Variants in LRP1 observed in about 807,000 individuals in gnomAD.
LRP1 encodes the protein LDL receptor related protein 1, also known as prolow-density lipoprotein receptor-related protein 1.
Under a neutral mutation model 541.5 loss-of-function variants are expected in LRP1, and 51 were observed. That is an observed-to-expected ratio of 0.09 (90% CI 0.08 to 0.12). The LOEUF (loss-of-function observed/expected upper bound fraction) is 0.12. LRP1 is among the 10% of genes least tolerant of loss of function. LRP1 has a pLI of 1.00. For missense variants in LRP1, 3,878 were observed against 6,376.2 expected (o/e 0.61, Z 13.34); for synonymous variants, 2,219 against 2,470.8 (o/e 0.90, Z 3.02).
intron 67 of LRP1, 93 bp from the exon 68 acceptor site, chr12:57,202,328 C>A: frequency 9.9e-7 from 1 of 1,012,658 alleles, no homozygotes; most frequent in Non-Finnish European, 1.6e-6. Flanking sequence ...GGGATGCCCA[C>A]CCTCCCTGCC....
In LRP1 at chr12:57,199,965, C is replaced by A; in HGVS notation, c.9954C>A (p.Pro3318=). ...SPGGGHKCAC[P]TNFYLGSDGR... is the part of the protein sequence containing the mutation. Reference sequence around the variant, plus strand: ...GGGGAGGGCACAAATGTGCCTGCCCCACCAACTTCTACCTGGGCAGCGATG... The same window carrying A: ...GGGGAGGGCACAAATGTGCCTGCCCAACCAACTTCTACCTGGGCAGCGATG... The change falls in exon 62 of 89, where the codon CCC becomes CCA. Residue 3318 remains proline, a synonymous_variant. Coordinates refer to ENST00000243077, the MANE Select transcript of LRP1 (RefSeq NM_002332.3). 1 of 1,591,154 alleles carries A rather than the reference C, an allele frequency of 6.3e-7. No individual in the cohort carries two copies.
At position 57,173,131 on chromosome 12, in the gene LRP1, C is replaced by T. The variant is rs2035977425; in HGVS notation, c.3164-37C>T. 1.3e-6 allele frequency: 2 copies of T among 1,546,874 alleles called. No homozygotes were observed. The highest frequency in any genetic ancestry group is 1.4e-5 in the African/African-American group (1 of 73,776). ...GGATGAGGAGGGCTGACCTGGGCAA[C>T]CCCTCCCTCCTGAGGCCCTCCACTG... On this transcript the variant is annotated intron_variant, in intron 20 of 88. Transcript: ENST00000243077. The surrounding 1 kb of genome is among the most constrained non-coding windows in gnomAD (Gnocchi z 4.7).
intron 19 of LRP1, 84 bp downstream of exon 19, chr12:57,167,608 A>G (rs2035865457): frequency 2.8e-6 from 3 of 1,064,876 alleles, no homozygotes; most frequent in Non-Finnish European, 4.4e-6. Context: ...AAAGGGCTTC[A>G]GAATCCAGCA....
At chr12:57,144,366 C>G (rs1455673332) in intron 4 of LRP1, among the ~76,000 whole-genome samples, 1 of 152,120 alleles carries the variant, frequency 6.6e-6, no homozygotes, top group Admixed American at 6.5e-5. Context: ...TGACGTATGA[C>G]TTTTACCACA....
chr12:57,178,202 G>T lies in LRP1; in HGVS notation c.4362-157G>T, dbSNP rs1258192370. Among the ~76,000 whole-genome samples, 1 of 152,146 alleles carries T rather than the reference G, an allele frequency of 6.6e-6. No homozygotes were observed. Among genetic ancestry groups the T allele is most frequent in the African/African-American group, 2.4e-5 (1 of 41,436 alleles). The stretch of plus-strand genomic sequence containing the variant: ...TGGGTTCTCACACCTTGGTCCTTCT[G>T]TCTGTCTGCTCTGGCCAGCAAGGCT... On this transcript the variant is annotated intron_variant, in intron 26 of 88. Transcript: ENST00000243077. This position sits in a 1 kb window ranked among gnomAD's most constrained non-coding sequence, Gnocchi z 5.8.
intron 1 of LRP1, 141 bp from the exon 2 acceptor site, chr12:57,138,318 C>T (rs889676623): frequency 2.9e-6 from 3 of 1,018,472 alleles, no homozygotes; most frequent in Admixed American, 4.5e-5. Flanking sequence ...CCCTGACACC[C>T]CCAGGCACAT....
Position 57,178,458 on chromosome 12 carries a change from C to T in LRP1, c.4461C>T (p.Tyr1487=), listed in dbSNP as rs771406021. 2.9e-5 allele frequency: 47 copies of T among 1,614,102 alleles called. No homozygotes were observed. In the East Asian group the frequency reaches 4.5e-4, roughly 15 times the overall value. ...CGCACCCGTTTGCAGTGACGCTGTA[C>T]GGGGGGGAGGTCTACTGGACTGACT... ...FLSHPFAVTL[Y]GGEVYWTDWR... is the part of the protein sequence containing the mutation. The change falls in exon 27 of 89, where the codon TAC becomes TAT. Residue 1487 remains tyrosine, a synonymous_variant. Coordinates refer to ENST00000243077, the MANE Select transcript of LRP1 (RefSeq NM_002332.3). The surrounding 1 kb of genome is among the most constrained non-coding windows in gnomAD (Gnocchi z 5.8).
In LRP1 at chr12:57,165,616, A is replaced by T; in HGVS notation, c.2531-189A>T. 1.7e-6 allele frequency: 1 copy of T among 603,200 alleles called. No homozygotes were observed. The highest frequency in any genetic ancestry group is 2.9e-6 in the Non-Finnish European group (1 of 343,822). The allele number at this position is 603,200 out of a possible 1,614,324, so 37.4% of individuals were successfully genotyped here. A position where few individuals can be genotyped will look rare whatever the true frequency, so the allele number is the denominator to read the frequency against. ...GTAAGCATTAAGTAGAGTAAACATC[A>T]CTATTGTTGCTTGGGAAAGAATTGC... On this transcript the variant is annotated intron_variant, in intron 15 of 88. Coordinates refer to ENST00000243077, the MANE Select transcript of LRP1 (RefSeq NM_002332.3). The surrounding 1 kb of genome is among the most constrained non-coding windows in gnomAD (Gnocchi z 4.5).
At chr12:57,138,392 G>T in intron 1 of LRP1, 67 bp from the exon 2 acceptor site, 1 of 1,577,594 alleles carries the variant, frequency 6.3e-7, no homozygotes, top group Non-Finnish European at 8.7e-7. Context: ...GCAGTACTAG[G>T]GGACTTTGGG....
rs2036937191 is a variant in LRP1 at position 57,212,391 on chromosome 12, C to T, written c.13495-24C>T. The T allele has an allele frequency of 4.3e-6, 7 of 1,613,898 alleles. No individual in the cohort carries two copies. The highest frequency in any genetic ancestry group is 2.7e-5 in the African/African-American group (2 of 74,922). On this transcript the variant is annotated intron_variant, in intron 88 of 88. Coordinates refer to ENST00000243077, the MANE Select transcript of LRP1 (RefSeq NM_002332.3). The surrounding 1 kb of genome is among the most constrained non-coding windows in gnomAD (Gnocchi z 5.0). ...CTACAGGCCCAGCTCCTGAGCCCTACCTGAACCCTCTGTCACCCTGCAGCC... is the reference window on the plus strand; with the variant it reads ...CTACAGGCCCAGCTCCTGAGCCCTATCTGAACCCTCTGTCACCCTGCAGCC...
chr12:57,200,179 C>A, intron 62 of LRP1, 154 bp downstream of exon 62: 1 of 677,930 alleles, frequency 1.5e-6, no homozygotes, highest in Non-Finnish European at 2.5e-6. Flanking sequence ...TGTCTCCCCA[C>A]AGCAATACTT....
Position 57,197,957 on chromosome 12 carries a change from G to A in LRP1, c.9283-199G>A, listed in dbSNP as rs2036572517. ...TGGGGCGTGGTCCCATTCACCTAGA[G>A]CCCCCTCTCCTAGAGCCTCTGCTGA... On this transcript the variant is annotated intron_variant, in intron 58 of 88. Transcript: ENST00000243077. This position sits in a 1 kb window ranked among gnomAD's most constrained non-coding sequence, Gnocchi z 4.5. Among the ~76,000 whole-genome samples the A allele has an allele frequency of 6.6e-6, 1 of 152,174 alleles. No individual in the cohort carries two copies. Among genetic ancestry groups the A allele is most frequent in the African/African-American group, 2.4e-5 (1 of 41,432 alleles).
chr12:57,141,846 C>A (rs576287140), intron 3 of LRP1, among the ~76,000 whole-genome samples: 1 of 152,330 alleles, frequency 6.6e-6, no homozygotes, highest in Non-Finnish European at 1.5e-5. Flanking sequence ...ATGATCCTTT[C>A]TTCAAAAGGT....
At position 57,149,844 on chromosome 12, in the gene LRP1, C is replaced by T. The variant is rs2035492562; in HGVS notation, c.841+4354C>T. On this transcript the variant is annotated intron_variant, in intron 6 of 88. Transcript: ENST00000243077. ...GCCAGGCTCGCCAGGAGGTCTCCTT[C>T]CCACCTTCGAAGTCCTCAGACTCTC... The T allele has an allele frequency of 8.8e-6, 6 of 684,618 alleles. No individual in the cohort carries two copies. In the East Asian group the frequency reaches 1.3e-4, roughly 15 times the overall value. The allele number at this position is 684,618 out of a possible 1,614,324, so 42.4% of individuals were successfully genotyped here.
Position 57,159,817 on chromosome 12 carries a change from C to A in LRP1, c.1799-8C>A, listed in dbSNP as rs771341691. The A allele has an allele frequency of 3.1e-6, 5 of 1,613,580 alleles. No homozygotes were observed. Among genetic ancestry groups the A allele is most frequent in the Non-Finnish European group, 3.4e-6 (4 of 1,179,614 alleles). On this transcript the variant is annotated splice_polypyrimidine_tract_variant and splice_region_variant and intron_variant, in intron 11 of 88. Transcript: ENST00000243077. ...GCTGTTCATCACTGGTCCCTCTTCC[C>A]CCAACAGGCATCCACAATGTGGAGG...
At chr12:57,168,072 G>T (rs1163159835) in intron 19 of LRP1, 1 of 154,762 alleles carries the variant, frequency 6.5e-6, no homozygotes, top group East Asian at 1.9e-4. Context: ...CTGCCCCAGT[G>T]GTTCCTGTCC....
At chr12:57,175,758 C>A in intron 23 of LRP1, 53 bp downstream of exon 23, 1 of 1,551,252 alleles carries the variant, frequency 6.4e-7, no homozygotes, top group Non-Finnish European at 8.7e-7. Flanking sequence ...CTCTGAGCTG[C>A]AGTGGGTTGG....
At chr12:57,182,074 C>T (rs1425634528) in intron 34 of LRP1, among the ~76,000 whole-genome samples, 1 of 152,026 alleles carries the variant, frequency 6.6e-6, no homozygotes, top group Non-Finnish European at 1.5e-5. Context: ...TGGGGTTTTC[C>T]AAAACTCACT....
rs755402729 is a variant in LRP1 at position 57,156,065 on chromosome 12, T to C, written c.1228-29T>C. The stretch of plus-strand genomic sequence containing the variant: ...AGAGGGAGGAACCCCTGTCATCTCA[T>C]GCTGTCCATTCTTGCCTGCCCGTCT... On this transcript the variant is annotated intron_variant, in intron 8 of 88. Coordinates refer to ENST00000243077, the MANE Select transcript of LRP1 (RefSeq NM_002332.3). The surrounding 1 kb of genome is among the most constrained non-coding windows in gnomAD (Gnocchi z 5.2). 2.5e-6 allele frequency: 4 copies of C among 1,599,972 alleles called. No individual in the cohort carries two copies. The highest frequency in any genetic ancestry group is 1.3e-5 in the African/African-American group (1 of 74,918).
Sources: allele counts gnomAD v4.1 joint callset (sites outside exome capture counted in the v4.1 genomes callset), GRCh38; gene constraint gnomAD v4.1.1; non-coding constraint Gnocchi (gnomAD v3.1); transcripts MANE v1.5; gene names NCBI Gene and HGNC (gene_info 2026-07-23, HGNC 2026-07-21).